LINGO2: variants seen among roughly 807,000 people sequenced by gnomAD.
LINGO2 encodes leucine rich repeat and Ig domain containing 2, also known as leucine-rich repeat and immunoglobulin-like domain-containing nogo receptor-interacting protein 2.
Under a neutral mutation model 30.6 loss-of-function variants are expected in LINGO2, and 14 were observed. The ratio of observed to expected loss-of-function variants is 0.46; its 90% CI spans 0.30 to 0.72. The LOEUF is 0.72. LINGO2 is among the 30% of genes least tolerant of loss of function. The pLI, the probability that LINGO2 is intolerant of heterozygous loss-of-function variation, is 0.07. For missense variants in LINGO2, 729 were observed against 751.7 expected (o/e 0.97, Z 0.35); for synonymous variants, 317 against 288.5 (o/e 1.10, Z -1.00).
intron 2 of LINGO2, among the ~76,000 whole-genome samples, chr9:28,402,453 C>T (rs111813969): frequency 1.2e-4 from 18 of 151,996 alleles, no homozygotes; most frequent in African/African-American, 3.6e-4. Context: ...CAAAAAACAG[C>T]GAATGACAAG....
intron 2 of LINGO2, among the ~76,000 whole-genome samples, chr9:28,396,767 A>AAT (rs3069835): frequency 0.35 from 51,122 of 147,916 alleles, 9,276 homozygotes; most frequent in Non-Finnish European, 0.38. Context: ...CTGGGAGAAC[A>AAT]ATATTTCAGG....
intron 4 of LINGO2, among the ~76,000 whole-genome samples, chr9:28,281,242 T>C (rs918074186): frequency 2.6e-5 from 4 of 152,122 alleles, no homozygotes; most frequent in Admixed American, 2.0e-4. Context: ...TAAAAATTAA[T>C]AAAATGTGTA....
intron 1 of LINGO2, among the ~76,000 whole-genome samples, chr9:28,632,647 CATAG>C (rs1461686013): frequency 9.5e-5 from 11 of 115,376 alleles, no homozygotes; most frequent in South Asian, 2.9e-4. Flanking sequence ...TATATATTTA[CATAG>C]ATATTTTATC....
chr9:28,157,961 C>T (rs1828181688), intron 4 of LINGO2, among the ~76,000 whole-genome samples: 2 of 152,214 alleles, frequency 1.3e-5, no homozygotes, highest in Admixed American at 1.3e-4. Context: ...CCTACATTTT[C>T]CTGTCTTCTT....
At chr9:28,861,283 TTATA>T in the LINGO2 span, among the ~76,000 whole-genome samples, 3 of 125,196 alleles carry the variant, frequency 2.4e-5, no homozygotes, top group South Asian at 6.6e-4. Flanking sequence ...TATTTATATA[TTATA>T]TATTTTATAT....
chr9:28,061,336 A>G (rs1295866373), intron 4 of LINGO2, among the ~76,000 whole-genome samples: 1 of 151,500 alleles, frequency 6.6e-6, no homozygotes, highest in Non-Finnish European at 1.5e-5. Context: ...AAAGCCCAGA[A>G]TTTACCACCA....
chr9:28,995,888 G>GA, the LINGO2 span, among the ~76,000 whole-genome samples: 1 of 67,152 alleles, frequency 1.5e-5, no homozygotes, highest in South Asian at 4.9e-4. Context: ...GGGGATGGGG[G>GA]AGGGATAGCA....
chr9:28,785,155 C>T, the LINGO2 span, among the ~76,000 whole-genome samples: 1 of 152,126 alleles, frequency 6.6e-6, no homozygotes, highest in South Asian at 2.1e-4. Context: ...TACTCTATGG[C>T]AGCAGAGAAC....
chr9:28,348,821 C>T (rs1417949955), intron 3 of LINGO2, among the ~76,000 whole-genome samples: 3 of 152,114 alleles, frequency 2.0e-5, no homozygotes, highest in Non-Finnish European at 1.5e-5. Flanking sequence ...CAGACTGCCT[C>T]CTCAAGTGGG....
intron 1 of LINGO2, among the ~76,000 whole-genome samples, chr9:28,553,793 G>A (rs571361687): frequency 6.6e-5 from 10 of 152,088 alleles, no homozygotes; most frequent in Admixed American, 2.0e-4. Flanking sequence ...GACTAACAGC[G>A]GATCTCTCGG....
the LINGO2 span, among the ~76,000 whole-genome samples, chr9:28,904,715 A>C: frequency 6.6e-6 from 1 of 152,098 alleles, no homozygotes; most frequent in Non-Finnish European, 1.5e-5. Flanking sequence ...ATAAATAGTA[A>C]TCTATTTTGT....
At chr9:29,154,367 G>A in the LINGO2 span, among the ~76,000 whole-genome samples, 3 of 150,886 alleles carry the variant, frequency 2.0e-5, no homozygotes, top group Admixed American at 2.0e-4. Flanking sequence ...GGAGAATGGC[G>A]TGAACCCGGG....
chr9:28,632,829 T>TTA (rs1402236379), intron 1 of LINGO2, among the ~76,000 whole-genome samples: 3 of 133,574 alleles, frequency 2.2e-5, no homozygotes, highest in Non-Finnish European at 4.7e-5. Context: ...ATATTATATA[T>TTA]TATATATATA....
chr9:27,989,475 GTGTA>G (rs1435639364), intron 5 of LINGO2, among the ~76,000 whole-genome samples: 3 of 140,934 alleles, frequency 2.1e-5, no homozygotes, highest in Non-Finnish European at 3.2e-5. Context: ...GTGTGTGTGT[GTGTA>G]TGTGTGCAGG....
chr9:28,730,967 T>C, the LINGO2 span, among the ~76,000 whole-genome samples: 2 of 151,982 alleles, frequency 1.3e-5, no homozygotes, highest in Admixed American at 1.3e-4. Flanking sequence ...GCAAATAGTA[T>C]AAAGTCCAGA....
chr9:28,396,877 G>A (rs1023733482), intron 2 of LINGO2, among the ~76,000 whole-genome samples: 5 of 151,960 alleles, frequency 3.3e-5, no homozygotes, highest in African/African-American at 1.2e-4. Context: ...AAAAGTTGAG[G>A]AGTGGGAGGT....
the LINGO2 span, among the ~76,000 whole-genome samples, chr9:29,184,453 A>G: frequency 1.3e-5 from 2 of 151,838 alleles, no homozygotes; most frequent in African/African-American, 4.8e-5. Context: ...TATAGGGGGG[A>G]AGAAGTAGAG....
chr9:28,511,100 C>T (rs772812424), intron 1 of LINGO2, among the ~76,000 whole-genome samples: 9 of 152,028 alleles, frequency 5.9e-5, no homozygotes, highest in Non-Finnish European at 1.0e-4. Flanking sequence ...TTTGGCAGCA[C>T]CCTCACAGAT....
At chr9:28,911,123 G>A in the LINGO2 span, among the ~76,000 whole-genome samples, 9 of 151,820 alleles carry the variant, frequency 5.9e-5, no homozygotes, top group South Asian at 2.1e-4. Context: ...GATCTGGGTC[G>A]ATTATGTCAA....
Sources: allele counts gnomAD v4.1 joint callset (sites outside exome capture counted in the v4.1 genomes callset), GRCh38; gene constraint gnomAD v4.1.1; transcripts MANE v1.5; gene names NCBI Gene and HGNC (gene_info 2026-07-23, HGNC 2026-07-21).